Variants in PLB1 observed in about 807,000 individuals in gnomAD.
The protein encoded by PLB1 is phospholipase B1, membrane-associated.
PLB1 carries 242 observed loss-of-function variants against 227.4 expected under a neutral mutation model. That is an observed-to-expected ratio of 1.06 (90% CI 0.96 to 1.18). PLB1 has a LOEUF of 1.18. PLB1 is among the 50% of genes most tolerant of loss of function. PLB1 has a pLI of 0.00. For synonymous variants in PLB1, 757 were observed against 682.2 expected (o/e 1.11, Z -1.71); for missense variants, 1,858 against 1,816.3 (o/e 1.02, Z -0.42).
rs1265787605 is a variant in PLB1, at chr2:28,605,887, A to G, written c.2996A>G (p.Asp999Gly). Residue 999 changes from aspartate (D) to glycine (G), a missense_variant, in exon 42 of 58, where the codon GAC becomes GGC. Coordinates refer to ENST00000327757, the MANE Select transcript of PLB1 (RefSeq NM_153021.5). ...CCAGATACGTCCTTCTTTGCCCCAG[A>G]CTGCATCCACCCAAATCAGAAATTC... ...GLPDTSFFAPDCIHPNQKFHS... is the reference protein window; with the variant it reads ...GLPDTSFFAPGCIHPNQKFHS... 2 of 1,613,756 alleles carry G rather than the reference A, an allele frequency of 1.2e-6. No individual in the cohort carries two copies. Among genetic ancestry groups the G allele is most frequent in the South Asian group, 1.1e-5 (1 of 91,062 alleles).
chr2:28,523,358 T>TTTC (rs1235714114), intron 4 of PLB1, among the ~76,000 whole-genome samples: 1 of 145,736 alleles, frequency 6.9e-6, no homozygotes, highest in African/African-American at 2.6e-5. Flanking sequence ...TTTTTTTTTT[T>TTTC]CTAACTCAGT....
At chr2:28,540,584 G>A (rs1368242432) in intron 12 of PLB1, 143 bp downstream of exon 12, 16 of 681,198 alleles carry the variant, frequency 2.3e-5, no homozygotes, top group East Asian at 1.4e-4. Flanking sequence ...CAGGAGCAAA[G>A]AGAGCTACTC....
intron 17 of PLB1, among the ~76,000 whole-genome samples, chr2:28,556,551 C>T (rs1675159779): frequency 6.6e-6 from 1 of 152,188 alleles, no homozygotes; most frequent in Non-Finnish European, 1.5e-5. Flanking sequence ...ATATCATGCT[C>T]CATTGCTAGA....
chr2:28,596,700 C>T (rs1177017945), intron 33 of PLB1, among the ~76,000 whole-genome samples: 5 of 152,354 alleles, frequency 3.3e-5, no homozygotes, highest in South Asian at 2.1e-4. Flanking sequence ...CTTAAACAAA[C>T]GCCCATCCAC....
At chr2:28,632,221 CTTTT>C in intron 55 of PLB1, 81 bp downstream of exon 55, 1 of 898,224 alleles carries the variant, frequency 1.1e-6, no homozygotes, top group Non-Finnish European at 1.7e-6. Context: ...TCTAAGTGGG[CTTTT>C]TTTTTTTTTA....
intron 53 of PLB1, 23 bp downstream of exon 53, chr2:28,629,208 C>T (rs755387112): frequency 1.9e-6 from 3 of 1,608,418 alleles, no homozygotes; most frequent in Non-Finnish European, 1.7e-6. Context: ...GTCACCGTCC[C>T]AAGGCAAGGG....
intron 38 of PLB1, 59 bp downstream of exon 38, chr2:28,602,023 A>C (rs2148300167): frequency 4.4e-6 from 6 of 1,376,788 alleles, no homozygotes; most frequent in East Asian, 4.6e-5. Flanking sequence ...GTGAAGGTGG[A>C]TGGGGGGAAA....
Position 28,593,738 on chromosome 2 carries a change from C to G in PLB1, c.2305C>G (p.Arg769Gly). 1 of 1,613,974 alleles carries G rather than the reference C, an allele frequency of 6.2e-7. No individual in the cohort carries two copies. Among genetic ancestry groups the G allele is most frequent in the Non-Finnish European group, 8.5e-7 (1 of 1,179,900 alleles). ...DDLPDVTTQYRGLSYSAGGDG... is the reference protein window; with the variant it reads ...DDLPDVTTQYGGLSYSAGGDG... Reference sequence around the variant, plus strand: ...CCTCCCCGATGTCACCACACAGTATCGGGGACTGTCATACAGGTAATGTTA... The same window carrying G: ...CCTCCCCGATGTCACCACACAGTATGGGGGACTGTCATACAGGTAATGTTA... Residue 769 changes from arginine (R) to glycine (G), a missense_variant, in exon 33 of 58, where the codon CGG becomes GGG. By Grantham distance (125) the Arg-to-Gly change is moderately radical (BLOSUM62 -2). Transcript: ENST00000327757.
chr2:28,516,391 C>G (rs1005478512), intron 1 of PLB1, among the ~76,000 whole-genome samples: 1 of 152,270 alleles, frequency 6.6e-6, no homozygotes, highest in South Asian at 2.1e-4. Context: ...GATCACATTA[C>G]CCTTCAAACT....
At chr2:28,517,586 A>G (rs896726380) in intron 2 of PLB1, among the ~76,000 whole-genome samples, 10 of 152,340 alleles carry the variant, frequency 6.6e-5, no homozygotes, top group East Asian at 1.9e-4. Context: ...ATAATGCCTC[A>G]TATACTTAAT....
intron 1 of PLB1, among the ~76,000 whole-genome samples, chr2:28,509,740 C>T (rs1208181573): frequency 6.6e-6 from 1 of 152,162 alleles, no homozygotes; most frequent in Non-Finnish European, 1.5e-5. Context: ...TATCCATGGG[C>T]TTGATGTCAA....
intron 23 of PLB1, among the ~76,000 whole-genome samples, chr2:28,581,486 A>AAAAT (rs565442462): frequency 0.02 from 2,204 of 111,114 alleles, 58 homozygotes; most frequent in East Asian, 0.092. Flanking sequence ...TCCACGCAAA[A>AAAAT]AAATAAATAA....
chr2:28,586,098 A>C lies in PLB1; in HGVS notation c.1815+256A>C, dbSNP rs1680866844. On this transcript the variant is annotated intron_variant, in intron 26 of 57. Coordinates refer to ENST00000327757, the MANE Select transcript of PLB1 (RefSeq NM_153021.5). Reference sequence around the variant, plus strand: ...GTCGTTAAATGAAACGAACGTTTCCACTTGTCCATGGGCAAACATGGATCA... The same window carrying C: ...GTCGTTAAATGAAACGAACGTTTCCCCTTGTCCATGGGCAAACATGGATCA... Among the ~76,000 whole-genome samples, 10 of 152,234 alleles carry C rather than the reference A, an allele frequency of 6.6e-5. No homozygotes were observed. In the South Asian group the frequency reaches 2.1e-3, roughly 31 times the overall value.
Position 28,621,913 on chromosome 2 carries a change from G to T in PLB1, c.3527+935G>T, listed in dbSNP as rs1200811449. Among the ~76,000 whole-genome samples, 5 of 152,278 alleles carry T rather than the reference G, an allele frequency of 3.3e-5. No individual in the cohort carries two copies. In the East Asian group the frequency reaches 9.6e-4, roughly 29 times the overall value. On this transcript the variant is annotated intron_variant, in intron 49 of 57. Coordinates refer to ENST00000327757, the MANE Select transcript of PLB1 (RefSeq NM_153021.5). Reference sequence around the variant, plus strand: ...TGTACAGTACAGGCTTCATTTTCCAGGAGGTGATTTCTCACTCTGTTGACA... The same window carrying T: ...TGTACAGTACAGGCTTCATTTTCCATGAGGTGATTTCTCACTCTGTTGACA...
intron 36 of PLB1, 78 bp downstream of exon 36, chr2:28,600,938 C>T (rs1275438155): frequency 1.9e-5 from 25 of 1,334,788 alleles, no homozygotes; most frequent in Non-Finnish European, 2.5e-5. Flanking sequence ...GTGGCCTGCT[C>T]TGAAAAGCAG....
rs750548667 is a variant in PLB1, at chr2:28,532,240, G to A, written c.555+46G>A. The A allele has an allele frequency of 7.3e-6, 11 of 1,507,234 alleles. No homozygotes were observed. In the East Asian group the frequency reaches 2.5e-4, roughly 35 times the overall value. The allele number at this position is 1,507,234 out of a possible 1,614,324, so 93.4% of individuals were successfully genotyped here. On this transcript the variant is annotated intron_variant, in intron 9 of 57. Transcript: ENST00000327757. ...CCAAGGGATTACAGATGCTGGGGTG[G>A]AGAGGGAGTGAACTAAACCTGCCTG...
intron 52 of PLB1, 125 bp from the exon 53 acceptor site, chr2:28,628,969 C>T: frequency 1.3e-6 from 1 of 747,150 alleles, no homozygotes; most frequent in East Asian, 2.7e-5. Context: ...AGTTGCATCC[C>T]CTCTCTGGGC....
chr2:28,509,022 C>G (rs574986466), intron 1 of PLB1, among the ~76,000 whole-genome samples: 1 of 152,272 alleles, frequency 6.6e-6, no homozygotes, highest in South Asian at 2.1e-4. Flanking sequence ...GTTCTTTGAT[C>G]CTCATAACGA....
chr2:28,625,885 G>A (rs1436939587), intron 50 of PLB1, among the ~76,000 whole-genome samples: 1 of 149,930 alleles, frequency 6.7e-6, no homozygotes, highest in Non-Finnish European at 1.5e-5. Context: ...CCTTGTGTAA[G>A]CAGAACCCCG....
Sources: allele counts gnomAD v4.1 joint callset (sites outside exome capture counted in the v4.1 genomes callset), GRCh38; gene constraint gnomAD v4.1.1; transcripts MANE v1.5; gene names NCBI Gene and HGNC (gene_info 2026-07-23, HGNC 2026-07-21).